Variants in LIX1 observed in about 807,000 individuals in gnomAD.
The protein encoded by LIX1 is limb and CNS expressed 1, also known as protein limb expression 1 homolog.
In LIX1, 24 loss-of-function variants were observed where a neutral mutation model predicts 33.4. The ratio of observed to expected loss-of-function variants is 0.72; its 90% CI spans 0.52 to 1.01. The LOEUF is 1.01. LIX1 is among the 50% of genes least tolerant of loss of function. LIX1 has a pLI of 0.00. For synonymous variants in LIX1, 124 were observed against 124.0 expected, an observed-to-expected ratio of 1.00 and a Z score of 0.00; for missense variants, 311 against 339.2, an observed-to-expected ratio of 0.92 and a Z score of 0.65.
chr5:97,094,212 C>T lies in LIX1; in HGVS notation c.*536G>A, dbSNP rs970378581. The T allele has an allele frequency of 6.6e-6, 1 of 151,270 alleles. No individual in the cohort carries two copies. Among genetic ancestry groups the T allele is most frequent in the African/African-American group, 2.4e-5 (1 of 41,040 alleles). The allele number at this position is 151,270 out of a possible 1,614,324, so 9.4% of individuals were successfully genotyped here. ...TGATGGTGGGATGTCCAGATAAAAT[C>T]CCCACTGTAGTTTGCAGTGTATCTA... is the stretch of plus-strand genomic sequence containing the variant. On this transcript the variant is annotated 3_prime_UTR_variant, in exon 6 of 6. Coordinates refer to ENST00000274382, the MANE Select transcript of LIX1 (RefSeq NM_153234.5).
chr5:97,142,559 T>A lies in LIX1; in HGVS notation c.18A>T (p.Glu6Asp). 4 of 1,614,048 alleles carry A rather than the reference T, an allele frequency of 2.5e-6. No individual in the cohort carries two copies. The highest frequency in any genetic ancestry group is 3.4e-6 in the Non-Finnish European group (4 of 1,179,910). ...CTTGGGCAATGATGTGTCTCAGAGATTCCAAGGTTCTGTCCATCTTGGGTC... is the reference window on the plus strand; with the variant it reads ...CTTGGGCAATGATGTGTCTCAGAGAATCCAAGGTTCTGTCCATCTTGGGTC... The part of the protein sequence containing the change: MDRTL[E>D]SLRHIIAQVL... The change falls in exon 1 of 6, where the codon GAA (glutamate) becomes GAT (aspartate). Residue 6 changes from glutamate to aspartate, a missense_variant. Coordinates refer to ENST00000274382, the MANE Select transcript of LIX1 (RefSeq NM_153234.5).
chr5:97,119,019 T>A (rs1046761761), intron 2 of LIX1, among the ~76,000 whole-genome samples: 3 of 152,230 alleles, frequency 2.0e-5, no homozygotes, highest in African/African-American at 7.2e-5. Context: ...TTCCTTTGAT[T>A]AATCAGAAAA....
At chr5:97,095,100 C>A in intron 5 of LIX1, 65 bp from the exon 6 acceptor site, 1 of 1,431,438 alleles carries the variant, frequency 7.0e-7, no homozygotes, top group Admixed American at 2.0e-5. Context: ...GTCCACATGC[C>A]TCCCCCTGCT....
intron 2 of LIX1, among the ~76,000 whole-genome samples, chr5:97,113,736 C>T (rs1323150819): frequency 1.3e-5 from 2 of 152,160 alleles, no homozygotes; most frequent in African/African-American, 4.8e-5. Flanking sequence ...ATAAAGAGGA[C>T]ATATAATTTG....
chr5:97,124,500 G>A lies in LIX1; in HGVS notation c.212C>T (p.Thr71Ile). ...GCCAAAACAGCTTCCCCCTGGGAGG[G>A]TCACGTAACTCACAAAGGGAGGCCC... ...APGPPFVSYV[T>I]LPGGSCFGNF... Residue 71 changes from threonine (T) to isoleucine (I), a missense_variant, in exon 2 of 6, where the codon ACC (threonine) becomes ATC (isoleucine). By Grantham distance (89) the Thr-to-Ile change is moderately conservative (BLOSUM62 -1). Coordinates refer to ENST00000274382, the MANE Select transcript of LIX1 (RefSeq NM_153234.5). 1 of 1,607,336 alleles carries A rather than the reference G, an allele frequency of 6.2e-7. No homozygotes were observed. The highest frequency in any genetic ancestry group is 8.5e-7 in the Non-Finnish European group (1 of 1,176,160).
chr5:97,129,892 T>G (rs1189598682), intron 1 of LIX1, among the ~76,000 whole-genome samples: 13 of 152,218 alleles, frequency 8.5e-5, no homozygotes, highest in Non-Finnish European at 4.4e-5. Context: ...AATTGCTTCA[T>G]TTACCTTTTT....
chr5:97,136,289 C>T (rs897108464), intron 1 of LIX1, among the ~76,000 whole-genome samples: 2 of 152,240 alleles, frequency 1.3e-5, no homozygotes, highest in East Asian at 1.9e-4. Flanking sequence ...TCTGTATCAT[C>T]TGGCTATCAA....
chr5:97,114,227 G>A (rs886308307), intron 2 of LIX1, among the ~76,000 whole-genome samples: 1 of 152,178 alleles, frequency 6.6e-6, no homozygotes, highest in African/African-American at 2.4e-5. Flanking sequence ...GGCCGGGCAT[G>A]GTAGCTCATA....
chr5:97,139,478 AACAC>A (rs1561507106), intron 1 of LIX1, among the ~76,000 whole-genome samples: 2 of 152,256 alleles, frequency 1.3e-5, no homozygotes, highest in Admixed American at 6.5e-5. Context: ...ATAGTAAGTT[AACAC>A]ACTTCTTCAA....
chr5:97,126,036 T>C (rs1747911118), intron 1 of LIX1, among the ~76,000 whole-genome samples: 1 of 152,224 alleles, frequency 6.6e-6, no homozygotes, highest in African/African-American at 2.4e-5. Context: ...CCAGGATCCT[T>C]GATTGGACTT....
chr5:97,133,463 A>AAG (rs1318931951), intron 1 of LIX1, among the ~76,000 whole-genome samples: 5 of 152,222 alleles, frequency 3.3e-5, no homozygotes, highest in Admixed American at 2.0e-4. Flanking sequence ...AAAGGAAGAA[A>AAG]AGAGAGGGCA....
At chr5:97,131,979 A>G (rs1748065404) in intron 1 of LIX1, among the ~76,000 whole-genome samples, 1 of 152,258 alleles carries the variant, frequency 6.6e-6, no homozygotes, top group Non-Finnish European at 1.5e-5. Flanking sequence ...CTTGGGTTGT[A>G]CCTTCACAAG....
chr5:97,119,487 C>T (rs1747727340), intron 2 of LIX1, among the ~76,000 whole-genome samples: 1 of 152,160 alleles, frequency 6.6e-6, no homozygotes, highest in South Asian at 2.1e-4. Context: ...GGTTTTCCTT[C>T]TCAAGTCATA....
intron 4 of LIX1, among the ~76,000 whole-genome samples, chr5:97,102,426 T>G (rs1382338399): frequency 2.0e-5 from 3 of 152,000 alleles, no homozygotes; most frequent in African/African-American, 7.2e-5. Flanking sequence ...CTAGGGCTGG[T>G]GGAAGGAAAA....
At chr5:97,106,919 G>A (rs1747070665) in intron 3 of LIX1, among the ~76,000 whole-genome samples, 1 of 152,140 alleles carries the variant, frequency 6.6e-6, no homozygotes, top group Admixed American at 6.5e-5. Context: ...AGATTGCAGG[G>A]CCCCACACTG....
intron 2 of LIX1, among the ~76,000 whole-genome samples, chr5:97,115,728 T>C (rs1043410466): frequency 6.6e-6 from 1 of 150,674 alleles, no homozygotes; most frequent in Admixed American, 6.6e-5. Context: ...AGCCAAGGAG[T>C]TGAAACACAG....
At chr5:97,121,958 A>G (rs948563561) in intron 2 of LIX1, among the ~76,000 whole-genome samples, 14 of 152,130 alleles carry the variant, frequency 9.2e-5, no homozygotes, top group Admixed American at 7.9e-4. Flanking sequence ...ATGCTCAATA[A>G]TGGACCTGCA....
At chr5:97,100,396 C>T (rs187135156) in intron 4 of LIX1, among the ~76,000 whole-genome samples, 1 of 152,154 alleles carries the variant, frequency 6.6e-6, no homozygotes, top group Non-Finnish European at 1.5e-5. Flanking sequence ...TGCTTTTGTT[C>T]TTAACATTCC....
At chr5:97,134,565 A>G (rs1748132835) in intron 1 of LIX1, among the ~76,000 whole-genome samples, 1 of 152,376 alleles carries the variant, frequency 6.6e-6, no homozygotes, top group East Asian at 1.9e-4. Context: ...ATCATGTACA[A>G]CTTGTTTTTA....
Sources: allele counts gnomAD v4.1 joint callset (sites outside exome capture counted in the v4.1 genomes callset), GRCh38; gene constraint gnomAD v4.1.1; transcripts MANE v1.5; gene names NCBI Gene and HGNC (gene_info 2026-07-23, HGNC 2026-07-21).